AHNAK: variants seen among roughly 807,000 people sequenced by gnomAD.
The protein encoded by AHNAK is AHNAK nucleoprotein.
A neutral mutation model predicts 37.8 loss-of-function variants in AHNAK; 23 were observed. That is an observed-to-expected ratio of 0.61 (90% confidence interval 0.44 to 0.86). The LOEUF (loss-of-function observed/expected upper bound fraction) is 0.86. AHNAK is among the 40% of genes least tolerant of loss of function. AHNAK has a pLI of 0.00. For missense variants in AHNAK, 7,411 were observed against 7,319.4 expected (o/e 1.01, Z -0.46); for synonymous variants, 2,481 against 2,636.3 (o/e 0.94, Z 1.80).
chr11:62,532,280 C>T lies in AHNAK; in HGVS notation c.2137G>A (p.Gly713Arg). Residue 713 changes from glycine (G) to arginine (R), a missense_variant, in exon 5 of 5, where the codon GGA becomes AGA. By Grantham distance (125) the Gly-to-Arg change is moderately radical (BLOSUM62 -2). Coordinates refer to ENST00000378024, the MANE Select transcript of AHNAK (RefSeq NM_001620.3). ...TTTGGTACAGTTACATCATACTCTC[C>T]CTTCACCTTTGTACCTTTCACGTGC... Reference protein sequence around the residue: ...DLHVKGTKVKGEYDVTVPKLE... With the variant: ...DLHVKGTKVKREYDVTVPKLE... The T allele has an allele frequency of 3.1e-6, 5 of 1,614,030 alleles. No homozygotes were observed. Among genetic ancestry groups the T allele is most frequent in the Non-Finnish European group, 4.2e-6 (5 of 1,180,012 alleles).
At chr11:62,454,115 AAAAAAG>A (rs1938600331) in intron 5 of AHNAK, among the ~76,000 whole-genome samples, 2 of 150,390 alleles carry the variant, frequency 1.3e-5, no homozygotes, top group Non-Finnish European at 3.0e-5. Context: ...TCAAAAAAAA[AAAAAAG>A]AAAGAAAATT....
intron 5 of AHNAK, among the ~76,000 whole-genome samples, chr11:62,455,314 T>A (rs1217600294): frequency 6.6e-6 from 1 of 152,016 alleles, no homozygotes; most frequent in African/African-American, 2.4e-5. Flanking sequence ...TTGGCCCCCT[T>A]AAGAGAGTCT....
At position 62,532,513 on chromosome 11, in the gene AHNAK, GTGGGCATTTTCATCT is replaced by G. The variant is rs750546417; in HGVS notation, c.1889_1903del (p.Lys630_Pro634del). ...CCCTTTGGCTCCTGGAGTGCTGAAC[GTGGGCATTTTCATCT>G]TGGGCATTTTCAGGTTCCATTCTGG... is the stretch of plus-strand genomic sequence containing the variant. On this transcript the variant is annotated inframe_deletion, in exon 5 of 5. Coordinates refer to ENST00000378024, the MANE Select transcript of AHNAK (RefSeq NM_001620.3). The G allele has an allele frequency of 1.1e-5, 18 of 1,612,968 alleles. No homozygotes were observed. Among genetic ancestry groups the G allele is most frequent in the South Asian group, 2.2e-5 (2 of 90,992 alleles).
intron 3 of AHNAK, 48 bp from the exon 4 acceptor site, chr11:62,535,238 G>A (rs1049037315): frequency 3.9e-6 from 6 of 1,543,776 alleles, no homozygotes; most frequent in Middle Eastern, 1.7e-4. Flanking sequence ...GAGCCTCAGG[G>A]AAACCGCACA....
intron 5 of AHNAK, among the ~76,000 whole-genome samples, chr11:62,476,201 A>G (rs1318808939): frequency 6.6e-6 from 1 of 152,182 alleles, no homozygotes; most frequent in African/African-American, 2.4e-5. Context: ...CAGCCTGGCC[A>G]ACATGGCGAA....
chr11:62,539,263 AT>A (rs139586899), intron 1 of AHNAK, among the ~76,000 whole-genome samples: 5,261 of 152,266 alleles, frequency 0.035, 307 homozygotes, highest in African/African-American at 0.12. Context: ...AGGAAAACAG[AT>A]TCCAGACTTC....
intron 5 of AHNAK, among the ~76,000 whole-genome samples, chr11:62,479,167 C>CTTTTTTTTTTTTTTTTTTTTTCT (rs33929407): frequency 5.2e-5 from 6 of 116,248 alleles, no homozygotes; most frequent in Admixed American, 1.1e-4. Context: ...TTTCTTTTTT[C>CTTTTTTTTTTTTTTTTTTTTTCT]TTTTTTTTTT....
intron 4 of AHNAK, among the ~76,000 whole-genome samples, chr11:62,498,316 A>G (rs1044120176): frequency 6.6e-6 from 1 of 152,164 alleles, no homozygotes; most frequent in Non-Finnish European, 1.5e-5. Context: ...ACTAAGAAGG[A>G]GCACGCAAGT....
intron 5 of AHNAK, among the ~76,000 whole-genome samples, chr11:62,457,636 A>G (rs2134818287): frequency 6.6e-6 from 1 of 151,806 alleles, no homozygotes; most frequent in Admixed American, 6.6e-5. Context: ...CTCAAAAACA[A>G]AAAAAAAGGA....
Position 62,533,966 on chromosome 11 carries a change from T to C in AHNAK, c.451A>G (p.Ile151Val), listed in dbSNP as rs1565247690. 2 of 1,613,720 alleles carry C rather than the reference T, an allele frequency of 1.2e-6. No individual in the cohort carries two copies. The highest frequency in any genetic ancestry group is 1.7e-6 in the Non-Finnish European group (2 of 1,179,700). Reference sequence around the variant, plus strand: ...GCCGTGACCCTTCTGGTCACTGTGATGGTACGGCTCTGGGTCTCCCCGAGG... The same window carrying C: ...GCCGTGACCCTTCTGGTCACTGTGACGGTACGGCTCTGGGTCTCCCCGAGG... The part of the protein sequence containing the change: ...GDLGETQSRT[I>V]TVTRRVTAYT... The change falls in exon 5 of 5, where the codon ATC becomes GTC. Residue 151 changes from isoleucine to valine, a missense_variant. By Grantham distance (29) the Ile-to-Val change is conservative. Coordinates refer to ENST00000378024, the MANE Select transcript of AHNAK (RefSeq NM_001620.3).
Position 62,520,478 on chromosome 11 carries a change from C to A in AHNAK, c.13939G>T (p.Asp4647Tyr), listed in dbSNP as rs1940196343. The stretch of plus-strand genomic sequence containing the variant: ...ACTTTGGGCATTTTTAGGTGCCAGT[C>A]TGGGCCTTGAACGTCCACATCTGGG... ...DVPDVDVQGPDWHLKMPKVKM... is the reference protein window; with the variant it reads ...DVPDVDVQGPYWHLKMPKVKM... Residue 4647 changes from aspartate to tyrosine, a missense_variant, in exon 5 of 5, where the codon GAC (aspartate) becomes TAC (tyrosine). Physicochemically the swap from Asp to Tyr is radical, Grantham distance 160. Coordinates refer to ENST00000378024, the MANE Select transcript of AHNAK (RefSeq NM_001620.3). 1.2e-6 allele frequency: 2 copies of A among 1,614,026 alleles called. No individual in the cohort carries two copies. The highest frequency in any genetic ancestry group is 1.7e-6 in the Non-Finnish European group (2 of 1,180,050).
intron 1 of AHNAK, among the ~76,000 whole-genome samples, chr11:62,541,683 C>G (rs1003007994): frequency 6.6e-6 from 1 of 152,222 alleles, no homozygotes; most frequent in Non-Finnish European, 1.5e-5. Context: ...TGCCTGGGGT[C>G]TCATTCAACT....
intron 5 of AHNAK, among the ~76,000 whole-genome samples, chr11:62,465,502 A>G (rs2069014967): frequency 6.6e-6 from 1 of 151,986 alleles, no homozygotes; most frequent in Admixed American, 6.6e-5. Flanking sequence ...AATCCCAGCT[A>G]CTCAGGAGGT....
In AHNAK at chr11:62,525,708, G is replaced by C; in HGVS notation, c.8709C>G (p.Ser2903Arg). Residue 2903 changes from serine to arginine, a missense_variant, in exon 5 of 5, where the codon AGC becomes AGG. Transcript: ENST00000378024. ...KMPKMKMPKF[S>R]MPGFKAEGPE... ...GGCCCTCTGCTTTGAAGCCAGGCAT[G>C]CTGAACTTGGGCATTTTCATCTTGG... is the stretch of plus-strand genomic sequence containing the variant. 1.6e-5 allele frequency: 26 copies of C among 1,613,562 alleles called. No homozygotes were observed. The highest frequency in any genetic ancestry group is 2.1e-5 in the Non-Finnish European group (25 of 1,179,912).
chr11:62,475,373 T>C (rs545793556), intron 5 of AHNAK, among the ~76,000 whole-genome samples: 2 of 152,190 alleles, frequency 1.3e-5, no homozygotes, highest in South Asian at 2.1e-4. Flanking sequence ...GGAACGTGGA[T>C]GGAGGTGGAG....
In AHNAK at chr11:62,474,387, G is replaced by A. The variant is rs930361617; in HGVS notation, c.442+17345C>T. 5.3e-5 allele frequency among the ~76,000 whole-genome samples: 8 copies of A among 152,062 alleles called. No homozygotes were observed. In the East Asian group the frequency reaches 9.6e-4, roughly 18 times the overall value. ...TTTAGTAGAGACGGGGTTTCACCAC[G>A]TTAGTCAGGCTGGTCCTCGAACTGC... On this transcript the variant is annotated intron_variant, in intron 5 of 5. Transcript: ENST00000257247.
Position 62,527,496 on chromosome 11 carries a change from G to A in AHNAK, c.6921C>T (p.Phe2307=), listed in dbSNP as rs138300058. 57 of 1,613,888 alleles carry A rather than the reference G, an allele frequency of 3.5e-5. 1 individual carries two copies. Among genetic ancestry groups the A allele is most frequent in the Admixed American group, 2.5e-4 (15 of 59,984 alleles). ...GPKFKMPEMH[F]KTPKISMPDV... ...CAGGCATGGAGATCTTGGGGGTCTT[G>A]AAGTGCATCTCAGGCATCTTAAACT... The change falls in exon 5 of 5, where the codon TTC becomes TTT. Residue 2307 remains phenylalanine (F), a synonymous_variant. Transcript: ENST00000378024.
In AHNAK at chr11:62,523,506, A is replaced by C. The variant is rs777613190; in HGVS notation, c.10911T>G (p.Asn3637Lys). Residue 3637 changes from asparagine to lysine, a missense_variant, in exon 5 of 5, where the codon AAT becomes AAG. Transcript: ENST00000378024. ...TCACGTCTGGAACATCAACGTCTACATTGGGACCAGAAATGTCAATGTCAG... is the reference window on the plus strand; with the variant it reads ...TCACGTCTGGAACATCAACGTCTACCTTGGGACCAGAAATGTCAATGTCAG... ...PKADIDISGP[N>K]VDVDVPDVNI... 7 of 1,613,942 alleles carry C rather than the reference A, an allele frequency of 4.3e-6. No individual in the cohort carries two copies. Among genetic ancestry groups the C allele is most frequent in the Non-Finnish European group, 5.1e-6 (6 of 1,179,980 alleles).
downstream of AHNAK, among the ~76,000 whole-genome samples, chr11:62,512,747 A>T (rs1398761257): frequency 6.6e-6 from 1 of 152,082 alleles, no homozygotes; most frequent in Non-Finnish European, 1.5e-5. The surrounding 1 kb of genome is among the most constrained non-coding windows in gnomAD (Gnocchi z 4.0). Flanking sequence ...TCTACAAAAA[A>T]TACAAAAATT....
Sources: allele counts gnomAD v4.1 joint callset (sites outside exome capture counted in the v4.1 genomes callset), GRCh38; gene constraint gnomAD v4.1.1; non-coding constraint Gnocchi (gnomAD v3.1); transcripts MANE v1.5; gene names NCBI Gene and HGNC (gene_info 2026-07-23, HGNC 2026-07-21).